The following PCCA variants were observed in gnomAD, a reference collection of about 807,000 sequenced individuals.
The protein encoded by PCCA is propionyl-CoA carboxylase subunit alpha, also known as propionyl-CoA carboxylase alpha chain, mitochondrial.
PCCA carries 74 observed loss-of-function variants against 101.3 expected under a neutral mutation model. The ratio of observed to expected loss-of-function variants is 0.73; its 90% CI spans 0.61 to 0.89. The LOEUF (loss-of-function observed/expected upper bound fraction) is 0.89, where lower values mean the gene tolerates loss of function less well. PCCA is among the 40% of genes least tolerant of loss of function. The pLI is 0.00. For synonymous variants in PCCA, 294 were observed against 313.6 expected, an observed-to-expected ratio of 0.94 and a Z score of 0.66; for missense variants, 891 against 907.0, an observed-to-expected ratio of 0.98 and a Z score of 0.23.
At chr13:100,297,897 A>G (rs1254681732) in intron 12 of PCCA, among the ~76,000 whole-genome samples, 1 of 151,516 alleles carries the variant, frequency 6.6e-6, no homozygotes, top group East Asian at 1.9e-4. Flanking sequence ...GCAGTGTGGC[A>G]CTCCCTTGAG....
intron 4 of PCCA, among the ~76,000 whole-genome samples, chr13:100,154,156 G>A (rs2053638180): frequency 6.6e-6 from 1 of 152,104 alleles, no homozygotes; most frequent in Non-Finnish European, 1.5e-5. Flanking sequence ...AAACTGGAAA[G>A]CCATTAGGAA....
chr13:100,134,802 C>T (rs2050955389), intron 4 of PCCA, among the ~76,000 whole-genome samples: 1 of 152,088 alleles, frequency 6.6e-6, no homozygotes, highest in Non-Finnish European at 1.5e-5. Context: ...AGTTCTCTTG[C>T]TTTGGGATTA....
intron 17 of PCCA, among the ~76,000 whole-genome samples, chr13:100,335,545 A>C (rs2070312624): frequency 6.6e-6 from 1 of 152,148 alleles, no homozygotes; most frequent in African/African-American, 2.4e-5. Flanking sequence ...TACTGACCTA[A>C]AATATCTGTA....
intron 8 of PCCA, among the ~76,000 whole-genome samples, chr13:100,238,588 T>G (rs1197880526): frequency 7.2e-5 from 11 of 152,102 alleles, no homozygotes; most frequent in Non-Finnish European, 1.6e-4. Flanking sequence ...AACCATAAAA[T>G]TTGAGGTAAA....
intron 16 of PCCA, among the ~76,000 whole-genome samples, chr13:100,322,226 A>G (rs1407252398): frequency 1.3e-5 from 2 of 152,344 alleles, no homozygotes. Context: ...GGAAACCCAC[A>G]GTAAGACGAG....
At chr13:100,422,969 C>A (rs1206499922) in intron 19 of PCCA, among the ~76,000 whole-genome samples, 1 of 145,556 alleles carries the variant, frequency 6.9e-6, no homozygotes, top group Non-Finnish European at 1.5e-5. Flanking sequence ...TTGAGTAGTT[C>A]TTGTGTTATA....
intron 10 of PCCA, among the ~76,000 whole-genome samples, chr13:100,266,777 G>C (rs1209868799): frequency 6.6e-6 from 1 of 152,156 alleles, no homozygotes; most frequent in East Asian, 1.9e-4. Context: ...GGCACTACTG[G>C]CATTTCCTGG....
At chr13:100,141,644 C>T (rs2152345366) in intron 4 of PCCA, among the ~76,000 whole-genome samples, 1 of 152,206 alleles carries the variant, frequency 6.6e-6, no homozygotes, top group Middle Eastern at 3.4e-3. Flanking sequence ...AACTACTGAC[C>T]TCAAGTGATC....
intron 16 of PCCA, among the ~76,000 whole-genome samples, chr13:100,316,808 C>T (rs1456856530): frequency 6.6e-6 from 1 of 151,476 alleles, no homozygotes; most frequent in Non-Finnish European, 1.5e-5. Context: ...GAGTCTCACT[C>T]TGTCACCCAG....
At chr13:100,312,488 A>G (rs2067001402) in intron 16 of PCCA, among the ~76,000 whole-genome samples, 1 of 152,240 alleles carries the variant, frequency 6.6e-6, no homozygotes, top group African/African-American at 2.4e-5. Flanking sequence ...GCGTCTTTGC[A>G]GTATCACTTG....
rs1164524306 is a variant in PCCA, at chr13:100,262,716, C to A, written c.717-13C>A. The A allele has an allele frequency of 3.9e-6, 4 of 1,018,710 alleles. No homozygotes were observed. The highest frequency in any genetic ancestry group is 4.3e-6 in the Non-Finnish European group (3 of 702,460). 63.1% of individuals were successfully genotyped at this position (1,018,710 alleles called of 1,614,324 possible). A position where few individuals can be genotyped will look rare whatever the true frequency, so the allele number is the denominator to read the frequency against. ...TCTCCCCCCCTCCTCCTTCTTCCTT[C>A]TTTTTTTCACAGGGATGGTTTTAGA... On this transcript the variant is annotated splice_polypyrimidine_tract_variant and intron_variant, in intron 9 of 23. Coordinates refer to ENST00000376285, the MANE Select transcript of PCCA (RefSeq NM_000282.4).
chr13:100,302,314 G>A (rs1168508654), intron 13 of PCCA, among the ~76,000 whole-genome samples: 1 of 152,036 alleles, frequency 6.6e-6, no homozygotes, highest in Non-Finnish European at 1.5e-5. Context: ...CTGAGAGCTG[G>A]TTTGAAATAT....
chr13:100,116,429 G>A (rs1378075329), intron 4 of PCCA, among the ~76,000 whole-genome samples: 3 of 152,158 alleles, frequency 2.0e-5, no homozygotes. Context: ...AGTCACACAA[G>A]GAAGGAAAGC....
chr13:100,528,076 A>T lies in PCCA; in HGVS notation c.2118+324A>T, dbSNP rs2088002680. ...TGTCTTGAAGGCAGTTAGTTATCTGAGACTTAGGTGACACAGCAGCAAATG... is the reference window on the plus strand; with the variant it reads ...TGTCTTGAAGGCAGTTAGTTATCTGTGACTTAGGTGACACAGCAGCAAATG... On this transcript the variant is annotated intron_variant, in intron 23 of 23. Coordinates refer to ENST00000376285, the MANE Select transcript of PCCA (RefSeq NM_000282.4). Among the ~76,000 whole-genome samples, 3 of 152,242 alleles carry T rather than the reference A, an allele frequency of 2.0e-5. No individual in the cohort carries two copies. In the South Asian group the frequency reaches 6.2e-4, roughly 32 times the overall value.
At chr13:100,116,427 A>G (rs2048803895) in intron 4 of PCCA, among the ~76,000 whole-genome samples, 1 of 152,200 alleles carries the variant, frequency 6.6e-6, no homozygotes, top group Non-Finnish European at 1.5e-5. Context: ...TAAGTCACAC[A>G]AGGAAGGAAA....
chr13:100,284,376 G>A (rs2064413782), intron 12 of PCCA, among the ~76,000 whole-genome samples: 1 of 152,182 alleles, frequency 6.6e-6, no homozygotes, highest in African/African-American at 2.4e-5. Flanking sequence ...TCTGGGCATT[G>A]GAAGGACAAT....
chr13:100,255,960 A>G (rs1322450368), intron 8 of PCCA, among the ~76,000 whole-genome samples: 1 of 152,128 alleles, frequency 6.6e-6, no homozygotes, highest in Non-Finnish European at 1.5e-5. Context: ...TTTCCCCACT[A>G]TTCCTGCCTG....
At position 100,211,411 on chromosome 13, in the gene PCCA, A is replaced by G. The variant is rs148103115; in HGVS notation, c.600+1948A>G. Among the ~76,000 whole-genome samples the G allele has an allele frequency of 4.6e-4, 70 of 152,186 alleles. 3 individuals are homozygous for G. The East Asian group carries it at 0.013, about 29-fold the overall frequency. On this transcript the variant is annotated intron_variant, in intron 7 of 23. Coordinates refer to ENST00000376285, the MANE Select transcript of PCCA (RefSeq NM_000282.4). Reference sequence around the variant, plus strand: ...AATTTCTCTTGCAAAGCTACCAGCAACCTCTTCCCTTTGTTAAATCAATAT... The same window carrying G: ...AATTTCTCTTGCAAAGCTACCAGCAGCCTCTTCCCTTTGTTAAATCAATAT...
intron 7 of PCCA, among the ~76,000 whole-genome samples, chr13:100,216,921 C>A (rs1389405408): frequency 6.6e-6 from 1 of 151,082 alleles, no homozygotes; most frequent in African/African-American, 2.4e-5. Context: ...TCAGCCTGAT[C>A]AACATGGCGA....
Sources: gnomAD v4.1 joint callset for allele counts (sites outside exome capture counted in the v4.1 genomes callset) on GRCh38, gnomAD v4.1.1 for gene constraint, MANE v1.5 for transcripts, NCBI Gene and HGNC (gene_info 2026-07-23, HGNC 2026-07-21) for gene names.